The following TNS3 variants were observed in gnomAD, a reference collection of about 807,000 sequenced individuals.
TNS3 encodes tensin-3.
TNS3 carries 45 observed loss-of-function variants against 140.9 expected under a neutral mutation model. That is an observed-to-expected ratio of 0.32 (90% CI 0.25 to 0.41). TNS3 has a LOEUF of 0.41. TNS3 is among the 10% of genes least tolerant of loss of function. The pLI is 1.00. For synonymous variants in TNS3, 815 were observed against 788.4 expected, an observed-to-expected ratio of 1.03 and a Z score of -0.56; for missense variants, 1,716 against 1,906.7, an observed-to-expected ratio of 0.90 and a Z score of 1.86.
rs188403441 is a variant in TNS3 at position 47,403,610 on chromosome 7, A to G, written c.724-2696T>C. Among the ~76,000 whole-genome samples, 8 of 152,302 alleles carry G rather than the reference A, an allele frequency of 5.3e-5. No homozygotes were observed. In the East Asian group the frequency reaches 1.4e-3, roughly 26 times the overall value. On this transcript the variant is annotated intron_variant, in intron 13 of 30. Transcript: ENST00000311160. ...TATTAAACCTCTTTCCTCTTGATTAATGGAGGTAAACACCACCCTCCCCAG... is the reference window on the plus strand; with the variant it reads ...TATTAAACCTCTTTCCTCTTGATTAGTGGAGGTAAACACCACCCTCCCCAG...
At chr7:47,547,671 C>T (rs1478171635) in intron 1 of TNS3, among the ~76,000 whole-genome samples, 1 of 152,024 alleles carries the variant, frequency 6.6e-6, no homozygotes, top group African/African-American at 2.4e-5. Flanking sequence ...TTCCAGGAGC[C>T]CTCAGCATGG....
chr7:47,355,019 A>G (rs1789909621), intron 17 of TNS3, among the ~76,000 whole-genome samples: 1 of 152,072 alleles, frequency 6.6e-6, no homozygotes, highest in Non-Finnish European at 1.5e-5. Flanking sequence ...AAAATGGGAC[A>G]CATGCCCCAA....
intron 17 of TNS3, among the ~76,000 whole-genome samples, chr7:47,359,800 G>A (rs3323): frequency 0.14 from 21,752 of 152,184 alleles, 1,948 homozygotes; most frequent in Non-Finnish European, 0.17. Context: ...GGCGCTAGAA[G>A]GTATCTGTTA....
intron 3 of TNS3, among the ~76,000 whole-genome samples, chr7:47,484,853 AG>A (rs1797552287): frequency 6.6e-6 from 1 of 152,228 alleles, no homozygotes; most frequent in Non-Finnish European, 1.5e-5. Context: ...CACTGGACAG[AG>A]GGAAGCACCG....
chr7:47,490,633 T>A (rs1157416209), intron 3 of TNS3, among the ~76,000 whole-genome samples: 3 of 152,108 alleles, frequency 2.0e-5, no homozygotes, highest in Admixed American at 6.5e-5. Flanking sequence ...GCCCCCATAA[T>A]GAAGGGAAGC....
At chr7:47,398,155 T>A (rs932017520) in intron 15 of TNS3, among the ~76,000 whole-genome samples, 1 of 151,932 alleles carries the variant, frequency 6.6e-6, no homozygotes, top group African/African-American at 2.4e-5. Context: ...GCAGTGAAAA[T>A]GAATCAATAA....
intron 15 of TNS3, among the ~76,000 whole-genome samples, chr7:47,400,115 A>G (rs1793071199): frequency 6.6e-6 from 1 of 152,216 alleles, no homozygotes; most frequent in Admixed American, 6.5e-5. Context: ...AATTAAAACC[A>G]CAATGCAATA....
At chr7:47,563,460 G>T (rs970938036) in intron 1 of TNS3, among the ~76,000 whole-genome samples, 3 of 152,144 alleles carry the variant, frequency 2.0e-5, no homozygotes, top group Non-Finnish European at 4.4e-5. Flanking sequence ...GTCAACCATG[G>T]GGCAGGACTC....
intron 1 of TNS3, among the ~76,000 whole-genome samples, chr7:47,536,351 G>T (rs1482285199): frequency 2.7e-5 from 3 of 110,874 alleles, no homozygotes; most frequent in Non-Finnish European, 5.8e-5. Flanking sequence ...CTTAGGGAAA[G>T]GGAGGCTGAA....
At chr7:47,310,392 C>T (rs1562580230) in intron 20 of TNS3, among the ~76,000 whole-genome samples, 1 of 151,996 alleles carries the variant, frequency 6.6e-6, no homozygotes, top group Non-Finnish European at 1.5e-5. Context: ...AAGGTGAGAC[C>T]CTTGAAGGGC....
At chr7:47,316,954 T>C (rs1387974012) in intron 20 of TNS3, among the ~76,000 whole-genome samples, 1 of 152,176 alleles carries the variant, frequency 6.6e-6, no homozygotes, top group African/African-American at 2.4e-5. Context: ...TGGTTTCCGA[T>C]GAGAATCAAA....
rs1191351378 is a variant in TNS3 at position 47,303,050 on chromosome 7, A to G, written c.3357T>C (p.Ser1119=). ...RSLGSVSPSS[S]GFSSPHSGST... is the part of the protein sequence containing the mutation. The stretch of plus-strand genomic sequence containing the variant: ...TCCCGCTGTGCGGGCTGGAGAAGCC[A>G]CTGGAGGAGGGAGAGACTGAGCCCA... Residue 1119 remains serine (S), a synonymous_variant, in exon 22 of 31, where the codon AGT becomes AGC. Coordinates refer to ENST00000311160, the MANE Select transcript of TNS3 (RefSeq NM_022748.12). The G allele has an allele frequency of 6.2e-7, 1 of 1,614,220 alleles. No individual in the cohort carries two copies. The highest frequency in any genetic ancestry group is 2.2e-5 in the East Asian group (1 of 44,876).
intron 9 of TNS3, 140 bp downstream of exon 9, chr7:47,428,172 C>T (rs981484617): frequency 6.0e-6 from 3 of 502,140 alleles, no homozygotes; most frequent in African/African-American, 5.9e-5. Flanking sequence ...TAGGCACTGA[C>T]CAACCCAGCA....
chr7:47,285,952 G>A (rs889635932), intron 27 of TNS3, among the ~76,000 whole-genome samples: 8 of 152,190 alleles, frequency 5.3e-5, no homozygotes, highest in African/African-American at 1.4e-4. Context: ...TAAAAACCAC[G>A]TCTGCTATGA....
chr7:47,381,211 G>A (rs1314238767), intron 16 of TNS3, among the ~76,000 whole-genome samples: 1 of 152,192 alleles, frequency 6.6e-6, no homozygotes, highest in South Asian at 2.1e-4. Context: ...GCCTCCTTTT[G>A]CTTTCTTCAA....
chr7:47,338,230 C>T (rs1186895845), intron 20 of TNS3, among the ~76,000 whole-genome samples: 1 of 152,214 alleles, frequency 6.6e-6, no homozygotes, highest in Non-Finnish European at 1.5e-5. Flanking sequence ...CACTGAGTCA[C>T]ATGGCAGATG....
At chr7:47,436,191 A>T (rs1482379975) in intron 7 of TNS3, among the ~76,000 whole-genome samples, 1 of 152,230 alleles carries the variant, frequency 6.6e-6, no homozygotes, top group African/African-American at 2.4e-5. Flanking sequence ...CAATGTTTTC[A>T]TGAATCCCTT....
chr7:47,286,906 A>G (rs954489223), intron 27 of TNS3, among the ~76,000 whole-genome samples: 7 of 152,168 alleles, frequency 4.6e-5, no homozygotes, highest in African/African-American at 1.7e-4. Flanking sequence ...GCATGACCCC[A>G]AGTACAAGGA....
At chr7:47,304,391 G>C (rs540810138) in intron 21 of TNS3, among the ~76,000 whole-genome samples, 1 of 152,318 alleles carries the variant, frequency 6.6e-6, no homozygotes, top group East Asian at 1.9e-4. Context: ...AATTTAAAAA[G>C]TTAAATAGGG....
Sources: allele counts gnomAD v4.1 joint callset (sites outside exome capture counted in the v4.1 genomes callset), GRCh38; gene constraint gnomAD v4.1.1; transcripts MANE v1.5; gene names NCBI Gene and HGNC (gene_info 2026-07-23, HGNC 2026-07-21).